The following TSTD2 variants were observed in gnomAD, a reference collection of about 807,000 sequenced individuals.
TSTD2 encodes thiosulfate sulfurtransferase like domain containing 2.
TSTD2 carries 37 observed loss-of-function variants against 47.9 expected under a neutral mutation model. That is an observed-to-expected ratio of 0.77 (90% confidence interval 0.59 to 1.02). The LOEUF (loss-of-function observed/expected upper bound fraction) is 1.02. Ranked by LOEUF, TSTD2 falls within the 50% of genes least tolerant of loss-of-function variation. The probability of loss-of-function intolerance (pLI) is 0.00; values close to 1 mark genes in which losing one functional copy is unlikely to be tolerated. For synonymous variants in TSTD2, 201 were observed against 215.9 expected, an observed-to-expected ratio of 0.93 and a Z score of 0.61; for missense variants, 586 against 616.0, an observed-to-expected ratio of 0.95 and a Z score of 0.52.
intron 3 of TSTD2, among the ~76,000 whole-genome samples, chr9:97,622,366 T>G (rs750143613): frequency 2.0e-5 from 3 of 152,252 alleles, no homozygotes; most frequent in Non-Finnish European, 4.4e-5. Flanking sequence ...AACCTCTGCC[T>G]AGATTTCAGA....
intron 6 of TSTD2, 85 bp downstream of exon 6, chr9:97,610,261 G>A (rs1337799222): frequency 3.3e-6 from 4 of 1,221,310 alleles, no homozygotes; most frequent in Non-Finnish European, 4.7e-6. Context: ...CATGACTGCT[G>A]CTGATCACAG....
chr9:97,612,467 T>C (rs1826474559), intron 4 of TSTD2, among the ~76,000 whole-genome samples: 1 of 152,218 alleles, frequency 6.6e-6, no homozygotes, highest in Non-Finnish European at 1.5e-5. Flanking sequence ...CCACCTATAG[T>C]GTATAAGTAT....
At chr9:97,625,527 A>G (rs1826704379) in intron 3 of TSTD2, among the ~76,000 whole-genome samples, 154 bp downstream of exon 3, 1 of 152,248 alleles carries the variant, frequency 6.6e-6, no homozygotes, top group African/African-American at 2.4e-5. Context: ...TCCCACCAAC[A>G]GTGACTGGGT....
chr9:97,614,694 T>A (rs977589380), intron 4 of TSTD2, among the ~76,000 whole-genome samples: 1 of 152,052 alleles, frequency 6.6e-6, no homozygotes, highest in Non-Finnish European at 1.5e-5. Context: ...AAACAGCAAA[T>A]GTCAATACCC....
At position 97,601,842 on chromosome 9, in the gene TSTD2, A is replaced by C. The variant is rs1587972913; in HGVS notation, c.*627T>G. On this transcript the variant is annotated 3_prime_UTR_variant, in exon 10 of 10. Transcript: ENST00000341170. ...TTGGCAGGGGGCGAAACCTGCGTACATGGAGGGCTGATTTATCACATACGT... is the reference window on the plus strand; with the variant it reads ...TTGGCAGGGGGCGAAACCTGCGTACCTGGAGGGCTGATTTATCACATACGT... The C allele has an allele frequency of 6.5e-6, 1 of 153,596 alleles. No homozygotes were observed. The highest frequency in any genetic ancestry group is 1.9e-4 in the East Asian group (1 of 5,194). 9.5% of individuals were successfully genotyped at this position (153,596 alleles called of 1,614,324 possible).
chr9:97,627,385 A>C lies in TSTD2; in HGVS notation c.165+13T>G. On this transcript the variant is annotated intron_variant, in intron 2 of 9. Coordinates refer to ENST00000341170, the MANE Select transcript of TSTD2 (RefSeq NM_139246.5). ...ACACATACATGATCATGAAACATTC[A>C]TAAGAATTCTACCTTTTTCTTTGCA... The C allele has an allele frequency of 6.3e-7, 1 of 1,584,760 alleles. No homozygotes were observed. Among genetic ancestry groups the C allele is most frequent in the Non-Finnish European group, 8.6e-7 (1 of 1,162,508 alleles).
At position 97,602,540 on chromosome 9, in the gene TSTD2, G is replaced by T; in HGVS notation, c.1480C>A (p.Gln494Lys). 1 of 1,614,184 alleles carries T rather than the reference G, an allele frequency of 6.2e-7. No individual in the cohort carries two copies. Among genetic ancestry groups the T allele is most frequent in the Non-Finnish European group, 8.5e-7 (1 of 1,180,018 alleles). The change falls in exon 10 of 10, where the codon CAG (glutamine) becomes AAG (lysine). Residue 494 changes from glutamine (Q) to lysine (K), a missense_variant. By Grantham distance (53) the Gln-to-Lys change is moderately conservative (BLOSUM62 1). Transcript: ENST00000341170. ...GGGCTCACAGGCTGTCGCACATGCT[G>T]CAAGAGTTCCCTAGGTATGCGTGGC... is the stretch of plus-strand genomic sequence containing the variant. ...RRPRIPRELLQHVRQPVSPEP... is the reference protein window; with the variant it reads ...RRPRIPRELLKHVRQPVSPEP...
rs199529090 is a variant in TSTD2, at chr9:97,625,804, C to T, written c.359G>A (p.Ser120Asn). 119 of 1,614,140 alleles carry T rather than the reference C, an allele frequency of 7.4e-5. 1 individual carries two copies. In the East Asian group the frequency reaches 2.2e-3, roughly 30 times the overall value. The change falls in exon 3 of 10, where the codon AGC becomes AAC. Residue 120 changes from serine to asparagine, a missense_variant. Ser to Asn is a conservative substitution (Grantham distance 46). Coordinates refer to ENST00000341170, the MANE Select transcript of TSTD2 (RefSeq NM_139246.5). The part of the protein sequence containing the change: ...SILKQLAVTL[S>N]TSKSLSSADE... ...TGCAGACGAAAGACTCTTTGAGGTGCTCAATGTCACAGCCAGTTGCTTTAA... is the reference window on the plus strand; with the variant it reads ...TGCAGACGAAAGACTCTTTGAGGTGTTCAATGTCACAGCCAGTTGCTTTAA...
chr9:97,621,844 T>G (rs2805775), intron 3 of TSTD2, among the ~76,000 whole-genome samples: 4 of 151,924 alleles, frequency 2.6e-5, no homozygotes, highest in Admixed American at 6.6e-5. Context: ...TCTGCCCTTC[T>G]GCCCTTGTTA....
chr9:97,611,733 T>G, intron 4 of TSTD2, 34 bp from the exon 5 acceptor site: 3 of 1,581,888 alleles, frequency 1.9e-6, no homozygotes, highest in Non-Finnish European at 1.7e-6. Flanking sequence ...GAGAACAGAT[T>G]GTTCTTAGCT....
chr9:97,603,841 C>A (rs902493767), intron 9 of TSTD2, among the ~76,000 whole-genome samples: 1 of 152,152 alleles, frequency 6.6e-6, no homozygotes, highest in Non-Finnish European at 1.5e-5. Context: ...CTGGTACACA[C>A]CACCATGCTC....
At chr9:97,628,032 G>A (rs138886850) in intron 1 of TSTD2, among the ~76,000 whole-genome samples, 3 of 152,232 alleles carry the variant, frequency 2.0e-5, no homozygotes, top group East Asian at 3.9e-4. Flanking sequence ...ATTAGGGAGC[G>A]AGCCATGCAG....
intron 3 of TSTD2, among the ~76,000 whole-genome samples, chr9:97,619,070 TAGTTCAC>T (rs992512385): frequency 1.3e-4 from 20 of 152,342 alleles, no homozygotes; most frequent in Admixed American, 1.2e-3. Flanking sequence ...TAGCACAGTG[TAGTTCAC>T]AACTGCTTAT....
intron 1 of TSTD2, among the ~76,000 whole-genome samples, chr9:97,632,891 G>A (rs1176990743): frequency 1.3e-5 from 2 of 152,234 alleles, no homozygotes; most frequent in African/African-American, 2.4e-5. Context: ...CCGGGAGAGT[G>A]AAATTTCAGA....
chr9:97,633,099 G>T (rs1185302803), intron 1 of TSTD2, 144 bp downstream of exon 1: 3 of 153,334 alleles, frequency 2.0e-5, no homozygotes, highest in Admixed American at 6.5e-5. Flanking sequence ...TCGCGTCAGG[G>T]CCGGCCTTTC....
At chr9:97,611,108 G>C (rs2131308927) in intron 5 of TSTD2, 1 of 157,306 alleles carries the variant, frequency 6.4e-6, no homozygotes, top group Non-Finnish European at 1.4e-5. Flanking sequence ...TCCTTCTATT[G>C]TACTGTCTCG....
intron 9 of TSTD2, chr9:97,604,517 G>A (rs1826331198): frequency 1.6e-6 from 1 of 633,128 alleles, no homozygotes; most frequent in Non-Finnish European, 2.6e-6. Flanking sequence ...CAATGGTGAA[G>A]CCAGGATCCC....
intron 1 of TSTD2, 34 bp from the exon 2 acceptor site, chr9:97,627,646 A>G: frequency 7.5e-7 from 1 of 1,325,650 alleles, no homozygotes; most frequent in Non-Finnish European, 1.0e-6. Flanking sequence ...CAGCCATGCT[A>G]TTCTTTGATT....
At chr9:97,625,610 T>G in intron 3 of TSTD2, 71 bp downstream of exon 3, 1 of 1,427,392 alleles carries the variant, frequency 7.0e-7, no homozygotes. Flanking sequence ...TTTTAATGGG[T>G]GAATTGTAGT....
Sources: allele counts gnomAD v4.1 joint callset (sites outside exome capture counted in the v4.1 genomes callset), GRCh38; gene constraint gnomAD v4.1.1; transcripts MANE v1.5; gene names NCBI Gene and HGNC (gene_info 2026-07-23, HGNC 2026-07-21).